Variants in KCNIP4 observed in about 807,000 individuals in gnomAD.
KCNIP4 encodes the protein Kv channel-interacting protein 4.
A neutral mutation model predicts 34.0 loss-of-function variants in KCNIP4; 12 were observed. The ratio of observed to expected loss-of-function variants is 0.35; its 90% confidence interval spans 0.23 to 0.57. KCNIP4 has a LOEUF of 0.57. Among genes scored for constraint, KCNIP4 ranks in the 20% least tolerant of loss-of-function variants. The pLI, the probability that KCNIP4 is intolerant of heterozygous loss-of-function variation, is 0.83. For synonymous variants in KCNIP4, 124 were observed against 102.2 expected (o/e 1.21, Z -1.29); for missense variants, 238 against 311.7 (o/e 0.76, Z 1.78).
At chr4:21,065,726 C>CTATAGA (rs1744297371) in intron 1 of KCNIP4, among the ~76,000 whole-genome samples, 1 of 86,370 alleles carries the variant, frequency 1.2e-5, no homozygotes, top group African/African-American at 4.3e-5. Context: ...TATCATTTGT[C>CTATAGA]TATATATATA....
chr4:21,116,966 T>C (rs1247359086), intron 1 of KCNIP4, among the ~76,000 whole-genome samples: 2 of 152,222 alleles, frequency 1.3e-5, no homozygotes, highest in African/African-American at 4.8e-5. Flanking sequence ...AATATCATTA[T>C]AATTAATTAA....
intron 1 of KCNIP4, among the ~76,000 whole-genome samples, chr4:21,031,243 A>G (rs748000459): frequency 1.3e-5 from 2 of 152,220 alleles, no homozygotes; most frequent in Non-Finnish European, 2.9e-5. Flanking sequence ...AGAGTCTGGC[A>G]TGCCTTAATG....
intron 1 of KCNIP4, among the ~76,000 whole-genome samples, chr4:21,645,310 G>A (rs569733658): frequency 2.6e-5 from 4 of 152,236 alleles, no homozygotes; most frequent in African/African-American, 9.6e-5. Context: ...CAATAGAACC[G>A]AAATTCAAAG....
At chr4:21,527,638 C>G (rs915987504) in intron 1 of KCNIP4, among the ~76,000 whole-genome samples, 2 of 152,138 alleles carry the variant, frequency 1.3e-5, no homozygotes, top group African/African-American at 4.8e-5. Context: ...TTAAATGACT[C>G]TTACATTGTA....
intron 1 of KCNIP4, among the ~76,000 whole-genome samples, chr4:21,018,919 A>G (rs1049708191): frequency 1.3e-5 from 2 of 152,182 alleles, no homozygotes; most frequent in African/African-American, 4.8e-5. Flanking sequence ...TTTCTGAATT[A>G]CTTAGTTGTA....
intron 1 of KCNIP4, among the ~76,000 whole-genome samples, chr4:21,736,161 T>C (rs868697998): frequency 2.6e-5 from 4 of 152,178 alleles, no homozygotes; most frequent in African/African-American, 9.6e-5. Context: ...GGTTATTATA[T>C]TGAGTAAGAA....
chr4:21,006,021 C>A (rs1347996529), intron 1 of KCNIP4, among the ~76,000 whole-genome samples: 1 of 152,094 alleles, frequency 6.6e-6, no homozygotes, highest in African/African-American at 2.4e-5. Flanking sequence ...CAATAGAGAG[C>A]CTTAAAATGG....
At position 21,528,757 on chromosome 4, in the gene KCNIP4, A is replaced by G. The variant is rs1278960836; in HGVS notation, c.61+419814T>C. Among the ~76,000 whole-genome samples the G allele has an allele frequency of 6.5e-4, 6 of 9,230 alleles. 2 individuals carry two copies. The highest frequency in any genetic ancestry group is 2.9e-3 in the African/African-American group (6 of 2,078). The allele number at this position is 9,230 out of a possible 152,430, so 6.1% of individuals were successfully genotyped here. A position where few individuals can be genotyped will look rare whatever the true frequency, so the allele number is the denominator to read the frequency against. On this transcript the variant is annotated intron_variant, in intron 1 of 8. Coordinates refer to ENST00000382152, the MANE Select transcript of KCNIP4 (RefSeq NM_025221.6). The stretch of plus-strand genomic sequence containing the variant: ...AAAGAAAGAAAGAAAGAAAGAAAGA[A>G]AGAAAGAAAGAAAGAAAGAAAGGAA...
intron 1 of KCNIP4, among the ~76,000 whole-genome samples, chr4:21,772,767 AC>A (rs1401796536): frequency 6.6e-6 from 1 of 151,510 alleles, no homozygotes; most frequent in Non-Finnish European, 1.5e-5. Flanking sequence ...CAGTGACGAT[AC>A]CCCCTTTATC....
chr4:21,801,753 C>T (rs1000884178), intron 1 of KCNIP4, among the ~76,000 whole-genome samples: 1 of 152,054 alleles, frequency 6.6e-6, no homozygotes, highest in East Asian at 1.9e-4. Context: ...GGACTACCAG[C>T]GCGTGCCACC....
chr4:21,484,393 C>T (rs76015089), intron 1 of KCNIP4, among the ~76,000 whole-genome samples: 18,931 of 151,926 alleles, frequency 0.12, 1,348 homozygotes, highest in South Asian at 0.21. Context: ...CGCCATTGCA[C>T]TCCAGCCTGG....
At chr4:21,459,674 C>T (rs1214941464) in intron 1 of KCNIP4, among the ~76,000 whole-genome samples, 1 of 152,008 alleles carries the variant, frequency 6.6e-6, no homozygotes, top group Non-Finnish European at 1.5e-5. Flanking sequence ...CCCAAATATG[C>T]TCCTTCTTTA....
At chr4:21,078,141 A>C (rs1456671986) in intron 1 of KCNIP4, among the ~76,000 whole-genome samples, 2 of 152,198 alleles carry the variant, frequency 1.3e-5, no homozygotes, top group Non-Finnish European at 2.9e-5. Flanking sequence ...GACACATATT[A>C]GGAGAGATGG....
At chr4:21,551,975 T>C (rs1447937202) in intron 1 of KCNIP4, among the ~76,000 whole-genome samples, 1 of 151,602 alleles carries the variant, frequency 6.6e-6, no homozygotes, top group Non-Finnish European at 1.5e-5. Flanking sequence ...GTAGACATCA[T>C]TCGACCTGTC....
chr4:21,624,436 G>C (rs1745191023), intron 1 of KCNIP4, among the ~76,000 whole-genome samples: 2 of 152,150 alleles, frequency 1.3e-5, no homozygotes, highest in Non-Finnish European at 2.9e-5. Context: ...GTGTGGAATA[G>C]ATGACCTTCG....
intron 1 of KCNIP4, among the ~76,000 whole-genome samples, chr4:21,796,730 T>C (rs73256555): frequency 0.35 from 52,669 of 152,140 alleles, 10,812 homozygotes; most frequent in Non-Finnish European, 0.48. Flanking sequence ...GGAAATTTCA[T>C]TTTTTAAGTC....
intron 1 of KCNIP4, among the ~76,000 whole-genome samples, chr4:21,717,590 C>T (rs1162582489): frequency 1.3e-5 from 2 of 152,144 alleles, no homozygotes; most frequent in African/African-American, 4.8e-5. Flanking sequence ...CACCTATATT[C>T]AAATGGTAGC....
chr4:20,880,875 A>T (rs1724607995), intron 2 of KCNIP4, among the ~76,000 whole-genome samples: 1 of 151,656 alleles, frequency 6.6e-6, no homozygotes, highest in Admixed American at 6.6e-5. Flanking sequence ...TGATGATGTT[A>T]TGTTTTGTGA....
chr4:20,951,675 A>C (rs909253418), intron 1 of KCNIP4, among the ~76,000 whole-genome samples: 7 of 152,192 alleles, frequency 4.6e-5, no homozygotes, highest in Non-Finnish European at 1.0e-4. Flanking sequence ...GACCTAACTA[A>C]CAATATATTC....
Sources: gnomAD v4.1 joint callset for allele counts (sites outside exome capture counted in the v4.1 genomes callset) on GRCh38, gnomAD v4.1.1 for gene constraint, MANE v1.5 for transcripts, NCBI Gene and HGNC (gene_info 2026-07-23, HGNC 2026-07-21) for gene names.